Variants in TRIM32 observed in about 807,000 individuals in gnomAD.
TRIM32 encodes tripartite motif containing 32.
TRIM32 carries 19 observed loss-of-function variants against 36.0 expected under a neutral mutation model. The ratio of observed to expected loss-of-function variants is 0.53; its 90% CI spans 0.37 to 0.77. The LOEUF is 0.77. Ranked by LOEUF, TRIM32 falls within the 30% of genes least tolerant of loss-of-function variation. The probability of loss-of-function intolerance (pLI) is 0.00; values close to 1 mark genes in which losing one functional copy is unlikely to be tolerated. For missense variants in TRIM32, 747 were observed against 845.2 expected (o/e 0.88, Z 1.44); for synonymous variants, 309 against 318.5 (o/e 0.97, Z 0.32).
chr9:116,689,715 T>C (rs1181603983), intron 1 of TRIM32, among the ~76,000 whole-genome samples: 1 of 151,976 alleles, frequency 6.6e-6, no homozygotes, highest in African/African-American at 2.4e-5. Context: ...AACTCTAAAG[T>C]TGGGGGGTAA....
At position 116,700,683 on chromosome 9, in the gene TRIM32, A is replaced by G. The variant is rs774834352; in HGVS notation, c.*979A>G. The G allele has an allele frequency of 1.2e-5, 2 of 166,958 alleles. No homozygotes were observed. Among genetic ancestry groups the G allele is most frequent in the Non-Finnish European group, 2.9e-5 (2 of 68,124 alleles). 10.3% of individuals were successfully genotyped at this position (166,958 alleles called of 1,614,324 possible). On this transcript the variant is annotated 3_prime_UTR_variant, in exon 2 of 2. Transcript: ENST00000450136. The stretch of plus-strand genomic sequence containing the variant: ...CTGTGTTTTCCTCAAGTCAGTACAT[A>G]CTATTTGGTTTCAGGATTTCTTTCC...
At chr9:116,696,696 T>A (rs1044686898) in intron 1 of TRIM32, among the ~76,000 whole-genome samples, 1 of 152,196 alleles carries the variant, frequency 6.6e-6, no homozygotes, top group African/African-American at 2.4e-5. Flanking sequence ...TACCTACATG[T>A]CTTGTCTTTT....
chr9:116,699,506 T>C lies in TRIM32; in HGVS notation c.1764T>C (p.Asp588=). ...GCATGTGTGTGGATGCTCGTGGTGATCTCATCGTGGCTGACAGTAGTCGCA... is the reference window on the plus strand; with the variant it reads ...GCATGTGTGTGGATGCTCGTGGTGACCTCATCGTGGCTGACAGTAGTCGCA... ...IAGMCVDARG[D]LIVADSSRKE... Residue 588 remains aspartate (D), a synonymous_variant, in exon 2 of 2, where the codon GAT becomes GAC. Coordinates refer to ENST00000450136, the MANE Select transcript of TRIM32 (RefSeq NM_012210.4). The surrounding 1 kb of genome is among the most constrained non-coding windows in gnomAD (Gnocchi z 4.2). 1 of 1,613,816 alleles carries C rather than the reference T, an allele frequency of 6.2e-7. No homozygotes were observed. Among genetic ancestry groups the C allele is most frequent in the Non-Finnish European group, 8.5e-7 (1 of 1,179,920 alleles).
chr9:116,690,062 G>C (rs896882217), intron 1 of TRIM32, among the ~76,000 whole-genome samples: 2 of 152,176 alleles, frequency 1.3e-5, no homozygotes. Flanking sequence ...GTGTCTGACA[G>C]CAAGACTTAG....
intron 1 of TRIM32, among the ~76,000 whole-genome samples, chr9:116,693,945 G>A (rs1473934660): frequency 6.6e-6 from 1 of 152,134 alleles, no homozygotes; most frequent in African/African-American, 2.4e-5. Context: ...CCTTCACAAA[G>A]CAGTGTTTTC....
rs747533628 is a variant in TRIM32, at chr9:116,698,118, G to A, written c.376G>A (p.Ala126Thr). The A allele has an allele frequency of 6.2e-7, 1 of 1,614,120 alleles. No homozygotes were observed. The highest frequency in any genetic ancestry group is 8.5e-7 in the Non-Finnish European group (1 of 1,180,038). Residue 126 changes from alanine (A) to threonine (T), a missense_variant, in exon 2 of 2, where the codon GCA becomes ACA. Ala to Thr is a moderately conservative substitution (Grantham distance 58, BLOSUM62 0). Transcript: ENST00000450136. This position sits in a 1 kb window ranked among gnomAD's most constrained non-coding sequence, Gnocchi z 4.4. ...GGTGTTATGTGAGCCCTGCCGGGAG[G>A]CAGACCATCAGCCTCCTGGCCACTG... ...GLVLCEPCREADHQPPGHCTL... is the reference protein window; with the variant it reads ...GLVLCEPCRETDHQPPGHCTL...
At chr9:116,690,721 T>C (rs968572802) in intron 1 of TRIM32, among the ~76,000 whole-genome samples, 6 of 152,210 alleles carry the variant, frequency 3.9e-5, no homozygotes, top group African/African-American at 1.2e-4. Flanking sequence ...CTATTACTTA[T>C]TGGTTTTGAG....
Position 116,699,758 on chromosome 9 carries a change from G to T in TRIM32, c.*54G>T. ...TCCCAAGCCAACTTCCCTTCCCTTA[G>T]TTCTTGGTTGTTAGTGGCACATGCA... On this transcript the variant is annotated 3_prime_UTR_variant, in exon 2 of 2. Transcript: ENST00000450136. This position sits in a 1 kb window ranked among gnomAD's most constrained non-coding sequence, Gnocchi z 4.2. The T allele has an allele frequency of 6.2e-7, 1 of 1,612,990 alleles. No homozygotes were observed. The highest frequency in any genetic ancestry group is 1.3e-5 in the African/African-American group (1 of 75,036).
rs1362977286 is a variant in TRIM32 at position 116,700,636 on chromosome 9, G to T, written c.*932G>T. On this transcript the variant is annotated 3_prime_UTR_variant, in exon 2 of 2. Transcript: ENST00000450136. ...TTCATGTTCATTACTAAAACAAACA[G>T]CAAAACTATTGGTTTGTTATTCTGT... 3 of 166,962 alleles carry T rather than the reference G, an allele frequency of 1.8e-5. No individual in the cohort carries two copies. The Admixed American group carries it at 2.0e-4, about 11-fold the overall frequency. The allele number at this position is 166,962 out of a possible 1,614,324, so 10.3% of individuals were successfully genotyped here.
chr9:116,695,091 A>G (rs928342549), intron 1 of TRIM32, among the ~76,000 whole-genome samples: 3 of 152,198 alleles, frequency 2.0e-5, no homozygotes, highest in South Asian at 2.1e-4. Flanking sequence ...TCAAGGGAAC[A>G]TTAGTTAATC....
At position 116,700,293 on chromosome 9, in the gene TRIM32, G is replaced by A. The variant is rs16933835; in HGVS notation, c.*589G>A. ...CCAAAGGGGATACACAAGCCCTTTA[G>A]GAAGCAGTACCTCTCGCCTGGAGGA... is the stretch of plus-strand genomic sequence containing the variant. On this transcript the variant is annotated 3_prime_UTR_variant, in exon 2 of 2. Coordinates refer to ENST00000450136, the MANE Select transcript of TRIM32 (RefSeq NM_012210.4). 2,341 of 169,708 alleles carry A rather than the reference G, an allele frequency of 0.014. 62 individuals carry two copies. The highest frequency in any genetic ancestry group is 0.054 in the African/African-American group (2,254 of 41,550). The allele number at this position is 169,708 out of a possible 1,614,324, so 10.5% of individuals were successfully genotyped here. A position where few individuals can be genotyped will look rare whatever the true frequency, so the allele number is the denominator to read the frequency against.
chr9:116,697,034 T>C (rs1860896102), intron 1 of TRIM32, among the ~76,000 whole-genome samples: 1 of 152,078 alleles, frequency 6.6e-6, no homozygotes, highest in African/African-American at 2.4e-5. Context: ...CTTCATTTCT[T>C]TCAAGACATA....
chr9:116,700,999 G>C lies in TRIM32; in HGVS notation c.*1295G>C, dbSNP rs932164189. The C allele has an allele frequency of 1.2e-5, 2 of 167,082 alleles. No homozygotes were observed. The highest frequency in any genetic ancestry group is 2.9e-5 in the Non-Finnish European group (2 of 68,124). 10.3% of individuals were successfully genotyped at this position (167,082 alleles called of 1,614,324 possible). A position where few individuals can be genotyped will look rare whatever the true frequency, so the allele number is the denominator to read the frequency against. On this transcript the variant is annotated 3_prime_UTR_variant, in exon 2 of 2. Coordinates refer to ENST00000450136, the MANE Select transcript of TRIM32 (RefSeq NM_012210.4). ...CAATACCCTATTCTGAGCTTCTGCT[G>C]TATGTTTTATGTTTATAATTACAGT...
chr9:116,687,384 A>C lies in TRIM32; in HGVS notation c.-82+3A>C, dbSNP rs1588199453. 2 of 115,188 alleles carry C rather than the reference A, an allele frequency of 1.7e-5. No individual in the cohort carries two copies. The highest frequency in any genetic ancestry group is 3.8e-5 in the African/African-American group (1 of 26,284). The allele number at this position is 115,188 out of a possible 1,614,324, so 7.1% of individuals were successfully genotyped here. On this transcript the variant is annotated splice_donor_region_variant and intron_variant, in intron 1 of 1. Transcript: ENST00000450136. ...TCGTCGGAGCCGCGGGCGGTCAGGT[A>C]GGGGGCGGGAAGGAGGGTTGGGGAC...
intron 1 of TRIM32, among the ~76,000 whole-genome samples, chr9:116,689,444 C>T (rs555914032): frequency 2.6e-5 from 4 of 152,274 alleles, no homozygotes; most frequent in African/African-American, 7.2e-5. Flanking sequence ...CTTCTTTACT[C>T]AGTTTTCATG....
rs920222938 is a variant in TRIM32 at position 116,687,346 on chromosome 9, G to T, written c.-117G>T. The stretch of plus-strand genomic sequence containing the variant: ...GCAGAGGGAGGCAGGCGGGTGGGCT[G>T]CCGGCGGTGGACTCGTCGGAGCCGC... On this transcript the variant is annotated 5_prime_UTR_variant, in exon 1 of 2. Coordinates refer to ENST00000450136, the MANE Select transcript of TRIM32 (RefSeq NM_012210.4). The T allele has an allele frequency of 7.4e-5, 64 of 865,060 alleles. No homozygotes were observed. The highest frequency in any genetic ancestry group is 1.2e-3 in the Middle Eastern group (2 of 1,694). 53.6% of individuals were successfully genotyped at this position (865,060 alleles called of 1,614,324 possible).
chr9:116,696,620 C>G (rs73515222), intron 1 of TRIM32, among the ~76,000 whole-genome samples: 6,225 of 152,196 alleles, frequency 0.041, 421 homozygotes, highest in African/African-American at 0.14. Context: ...TGGAATGACT[C>G]CTCAACCCCC....
In TRIM32 at chr9:116,688,750, G is replaced by C. The variant is rs116464901; in HGVS notation, c.-82+1369G>C. Among the ~76,000 whole-genome samples the C allele has an allele frequency of 4.6e-3, 694 of 152,254 alleles. 3 individuals carry two copies. The highest frequency in any genetic ancestry group is 0.016 in the African/African-American group (668 of 41,534). On this transcript the variant is annotated intron_variant, in intron 1 of 1. Transcript: ENST00000450136. ...CCCAAGCTACGATAGCAGATAGAAAGTGAGACCTCCAGGGGAATGAGTGGA... is the reference window on the plus strand; with the variant it reads ...CCCAAGCTACGATAGCAGATAGAAACTGAGACCTCCAGGGGAATGAGTGGA...
At position 116,698,896 on chromosome 9, in the gene TRIM32, T is replaced by C; in HGVS notation, c.1154T>C (p.Val385Ala). ...CTCTACGTGACCAGTCAAGGTGAAGTACTAGTCGCTGACCGTGGTAACTAT... is the reference window on the plus strand; with the variant it reads ...CTCTACGTGACCAGTCAAGGTGAAGCACTAGTCGCTGACCGTGGTAACTAT... ...VSLYVTSQGE[V>A]LVADRGNYRI... is the part of the protein sequence containing the mutation. Residue 385 changes from valine (V) to alanine (A), a missense_variant, in exon 2 of 2, where the codon GTA (valine) becomes GCA (alanine). By Grantham distance (64) the Val-to-Ala change is moderately conservative. Coordinates refer to ENST00000450136, the MANE Select transcript of TRIM32 (RefSeq NM_012210.4). This position sits in a 1 kb window ranked among gnomAD's most constrained non-coding sequence, Gnocchi z 4.4. 6.2e-7 allele frequency: 1 copy of C among 1,614,214 alleles called. No homozygotes were observed. Among genetic ancestry groups the C allele is most frequent in the East Asian group, 2.2e-5 (1 of 44,864 alleles).
Sources: gnomAD v4.1 joint callset for allele counts (sites outside exome capture counted in the v4.1 genomes callset) on GRCh38, gnomAD v4.1.1 for gene constraint, Gnocchi (gnomAD v3.1) non-coding constraint, MANE v1.5 for transcripts, NCBI Gene and HGNC (gene_info 2026-07-23, HGNC 2026-07-21) for gene names.